The following THNSL1 variants were observed in gnomAD, a reference collection of about 807,000 sequenced individuals.
The protein encoded by THNSL1 is threonine synthase-like 1.
THNSL1 carries 48 observed loss-of-function variants against 50.4 expected under a neutral mutation model. That is an observed-to-expected ratio of 0.95 (90% CI 0.76 to 1.21). The LOEUF is 1.21. Among genes scored for constraint, THNSL1 ranks in the 50% most tolerant of loss-of-function variants. The probability of loss-of-function intolerance (pLI) is 0.00; values close to 1 mark genes in which losing one functional copy is unlikely to be tolerated. For synonymous variants in THNSL1, 309 were observed against 306.1 expected (o/e 1.01, Z -0.10); for missense variants, 896 against 871.7 (o/e 1.03, Z -0.35).
chr10:24,970,044 C>T, the THNSL1 span, among the ~76,000 whole-genome samples: 1 of 152,208 alleles, frequency 6.6e-6, no homozygotes, highest in Non-Finnish European at 1.5e-5. Flanking sequence ...GTTCTCATTT[C>T]CTGAAGCTCT....
chr10:24,986,751 G>A, the THNSL1 span, among the ~76,000 whole-genome samples: 1 of 152,292 alleles, frequency 6.6e-6, no homozygotes, highest in South Asian at 2.1e-4. Flanking sequence ...GCCAGGGATG[G>A]AAACTAAATG....
chr10:24,970,734 T>C, the THNSL1 span, among the ~76,000 whole-genome samples: 1 of 134,896 alleles, frequency 7.4e-6, no homozygotes, highest in African/African-American at 2.9e-5. Flanking sequence ...AAAAAAAAAA[T>C]AGTTTGGGGC....
chr10:24,957,464 A>ATGTTTGTTTGTT, the THNSL1 span, among the ~76,000 whole-genome samples: 73 of 150,706 alleles, frequency 4.8e-4, no homozygotes, highest in African/African-American at 1.4e-3. Context: ...TTTTGAGTTG[A>ATGTTTGTTTGTT]TGTTTGTTTG....
At chr10:24,958,095 G>T in the THNSL1 span, among the ~76,000 whole-genome samples, 2 of 152,122 alleles carry the variant, frequency 1.3e-5, no homozygotes, top group Non-Finnish European at 2.9e-5. Flanking sequence ...AGTGACACTA[G>T]ATTGGAAATA....
At chr10:24,958,956 A>G in the THNSL1 span, among the ~76,000 whole-genome samples, 2 of 152,198 alleles carry the variant, frequency 1.3e-5, no homozygotes, top group Non-Finnish European at 2.9e-5. Flanking sequence ...ACCATAAAGC[A>G]GTCATTGAAA....
chr10:24,958,823 T>C, the THNSL1 span, among the ~76,000 whole-genome samples: 1 of 152,126 alleles, frequency 6.6e-6, no homozygotes, highest in African/African-American at 2.4e-5. Context: ...TTCAGAGATA[T>C]CCTCCCACTA....
the THNSL1 span, among the ~76,000 whole-genome samples, chr10:24,987,551 T>C: frequency 4.6e-5 from 7 of 152,196 alleles, no homozygotes; most frequent in Non-Finnish European, 1.5e-5. Context: ...ATTGTGCCAC[T>C]GCACTCCAGC....
chr10:25,020,005 G>A (rs889627819), intron 1 of THNSL1, among the ~76,000 whole-genome samples: 3 of 152,064 alleles, frequency 2.0e-5, no homozygotes, highest in Admixed American at 2.0e-4. Context: ...AAATGAGGAT[G>A]TCTTTTCCTC....
At position 25,024,835 on chromosome 10, in the gene THNSL1, C is replaced by G. The variant is rs778686089; in HGVS notation, c.1612C>G (p.His538Asp). The change falls in exon 3 of 3, where the codon CAT becomes GAT. Residue 538 changes from histidine to aspartate, a missense_variant. Transcript: ENST00000376356. ...ATTTATCTGTGCCTCTAATCAGAACCATGTTTTGACTGATTTTATAAAAAC... is the reference window on the plus strand; with the variant it reads ...ATTTATCTGTGCCTCTAATCAGAACGATGTTTTGACTGATTTTATAAAAAC... The part of the protein sequence containing the change: ...RKFICASNQN[H>D]VLTDFIKTGH... 6.2e-6 allele frequency: 10 copies of G among 1,613,968 alleles called. No homozygotes were observed. The highest frequency in any genetic ancestry group is 4.0e-5 in the African/African-American group (3 of 74,918).
chr10:24,998,185 A>C, the THNSL1 span, among the ~76,000 whole-genome samples: 18 of 152,192 alleles, frequency 1.2e-4, no homozygotes, highest in African/African-American at 4.1e-4. Context: ...TAAAATGTAC[A>C]TCGCTAGCCG....
the THNSL1 span, among the ~76,000 whole-genome samples, chr10:24,953,667 A>T: frequency 1.3e-5 from 2 of 152,076 alleles, no homozygotes; most frequent in South Asian, 4.2e-4. Context: ...ACTCAGCCCA[A>T]TTCGGGTCGA....
the THNSL1 span, among the ~76,000 whole-genome samples, chr10:24,961,501 A>G: frequency 1.3e-5 from 2 of 152,178 alleles, no homozygotes; most frequent in African/African-American, 4.8e-5. Flanking sequence ...TTCTTGATAT[A>G]TATCTTGCTA....
the THNSL1 span, among the ~76,000 whole-genome samples, chr10:24,977,069 T>C: frequency 6.6e-6 from 1 of 152,150 alleles, no homozygotes; most frequent in Non-Finnish European, 1.5e-5. Context: ...CTTAATGAGA[T>C]CCACAATATT....
chr10:25,018,025 T>A (rs1219897971), intron 1 of THNSL1, among the ~76,000 whole-genome samples: 1 of 152,182 alleles, frequency 6.6e-6, no homozygotes, highest in East Asian at 1.9e-4. Flanking sequence ...AAAACATGAT[T>A]TCTGCAGTTA....
At chr10:25,020,917 A>G (rs1316569717) in intron 1 of THNSL1, among the ~76,000 whole-genome samples, 1 of 152,218 alleles carries the variant, frequency 6.6e-6, no homozygotes, top group Non-Finnish European at 1.5e-5. Context: ...TAAGTGCCCT[A>G]AAAGCAGTTT....
chr10:24,986,945 C>T, the THNSL1 span, among the ~76,000 whole-genome samples: 2 of 152,240 alleles, frequency 1.3e-5, no homozygotes, highest in Admixed American at 6.5e-5. Flanking sequence ...GGAAAAAATT[C>T]AGACAGGGAG....
chr10:25,017,037 C>T (rs1251426533), intron 1 of THNSL1, among the ~76,000 whole-genome samples: 1 of 152,174 alleles, frequency 6.6e-6, no homozygotes, highest in African/African-American at 2.4e-5. Flanking sequence ...CCCCTGCTCC[C>T]GGGACCGCCC....
the THNSL1 span, among the ~76,000 whole-genome samples, chr10:24,969,765 T>TC: frequency 6.6e-6 from 1 of 152,226 alleles, no homozygotes; most frequent in Admixed American, 6.5e-5. Context: ...CTTATAACAT[T>TC]CCCTAAGGAA....
the THNSL1 span, among the ~76,000 whole-genome samples, chr10:25,000,516 G>T: frequency 6.6e-6 from 1 of 152,010 alleles, no homozygotes; most frequent in Admixed American, 6.6e-5. Context: ...ATAGCATTTA[G>T]GATTGTTATA....
Sources: gnomAD v4.1 joint callset for allele counts (sites outside exome capture counted in the v4.1 genomes callset) on GRCh38, gnomAD v4.1.1 for gene constraint, MANE v1.5 for transcripts, NCBI Gene and HGNC (gene_info 2026-07-23, HGNC 2026-07-21) for gene names.